The following MYO18B variants were observed in gnomAD, a reference collection of about 807,000 sequenced individuals.
MYO18B encodes myosin XVIIIB, also known as unconventional myosin-XVIIIb.
MYO18B carries 204 observed loss-of-function variants against 273.0 expected under a neutral mutation model. That is an observed-to-expected ratio of 0.75 (90% CI 0.67 to 0.84). The LOEUF (loss-of-function observed/expected upper bound fraction) is 0.84, where lower values mean the gene tolerates loss of function less well. Ranked by LOEUF, MYO18B falls within the 40% of genes least tolerant of loss-of-function variation. MYO18B has a pLI of 0.00. For missense variants in MYO18B, 3,212 were observed against 3,287.6 expected, an observed-to-expected ratio of 0.98 and a Z score of 0.56; for synonymous variants, 1,330 against 1,305.7, an observed-to-expected ratio of 1.02 and a Z score of -0.40.
the MYO18B span, among the ~76,000 whole-genome samples, chr22:26,049,517 A>G: frequency 6.6e-6 from 1 of 152,188 alleles, no homozygotes; most frequent in Non-Finnish European, 1.5e-5. Context: ...TGCATTTTGT[A>G]AACTTTATAG....
chr22:25,874,222 C>T (rs897276392), intron 22 of MYO18B, 64 bp from the exon 23 acceptor site: 29 of 1,587,816 alleles, frequency 1.8e-5, no homozygotes, highest in Non-Finnish European at 2.4e-5. Flanking sequence ...GATTTGCAAG[C>T]ACCCCCCCAT....
In MYO18B at chr22:25,975,437, G is replaced by C. The variant is rs2093079161; in HGVS notation, c.6157-16926G>C. 2.6e-5 allele frequency among the ~76,000 whole-genome samples: 4 copies of C among 152,250 alleles called. 1 individual carries two copies. The South Asian group carries it at 8.3e-4, about 32-fold the overall frequency. On this transcript the variant is annotated intron_variant, in intron 39 of 43. Coordinates refer to ENST00000335473, the MANE Select transcript of MYO18B (RefSeq NM_032608.7). The stretch of plus-strand genomic sequence containing the variant: ...GAAAGCGAGGCAGAGGGCAGCCTGG[G>C]GATTAACATTTACTGTATGTCTACT...
At chr22:26,056,412 C>G in the MYO18B span, among the ~76,000 whole-genome samples, 5 of 152,274 alleles carry the variant, frequency 3.3e-5, no homozygotes, top group Middle Eastern at 6.8e-3. Context: ...CAAGGTCAAA[C>G]GGGCCCTAAC....
chr22:26,005,968 G>A (rs776072875), intron 42 of MYO18B, among the ~76,000 whole-genome samples: 4 of 152,194 alleles, frequency 2.6e-5, no homozygotes, highest in Non-Finnish European at 5.9e-5. Flanking sequence ...AAGATTATCT[G>A]ATTACTGCTC....
chr22:26,001,443 G>C (rs1414872754), intron 40 of MYO18B, among the ~76,000 whole-genome samples: 1 of 152,188 alleles, frequency 6.6e-6, no homozygotes, highest in Admixed American at 6.5e-5. Flanking sequence ...GAAAGAAAGA[G>C]AGTGAGAGAG....
intron 34 of MYO18B, among the ~76,000 whole-genome samples, chr22:25,924,274 A>G (rs2092389609): frequency 6.6e-6 from 1 of 152,130 alleles, no homozygotes; most frequent in Non-Finnish European, 1.5e-5. Context: ...GGGAAAGCAG[A>G]CAGGAGGATG....
At chr22:25,851,921 G>A (rs1569110941) in intron 21 of MYO18B, among the ~76,000 whole-genome samples, 1 of 152,132 alleles carries the variant, frequency 6.6e-6, no homozygotes, top group Non-Finnish European at 1.5e-5. Context: ...TGTCACTTGG[G>A]ACCCGACTCA....
intron 21 of MYO18B, among the ~76,000 whole-genome samples, chr22:25,867,579 G>T (rs1053646608): frequency 6.6e-6 from 1 of 152,112 alleles, no homozygotes; most frequent in African/African-American, 2.4e-5. Context: ...GTATAATGCT[G>T]CTATGAACAC....
At chr22:26,062,725 A>G in the MYO18B span, among the ~76,000 whole-genome samples, 1 of 152,176 alleles carries the variant, frequency 6.6e-6, no homozygotes, top group African/African-American at 2.4e-5. Context: ...TTCTGGCTCA[A>G]AGTACATGCC....
rs150287212 is a variant in MYO18B at position 25,994,604 on chromosome 22, T to C, written c.6287+2111T>C. ...AAGTATTCCCGCTATTCCCTGCTAA[T>C]TGGCACAGCTGCCAAACTGCTGGTG... is the stretch of plus-strand genomic sequence containing the variant. On this transcript the variant is annotated intron_variant, in intron 40 of 43. Transcript: ENST00000335473. 1.4e-3 allele frequency among the ~76,000 whole-genome samples: 210 copies of C among 152,374 alleles called. 2 individuals carry two copies. Among genetic ancestry groups the C allele is most frequent in the Non-Finnish European group, 2.3e-3 (156 of 68,042 alleles).
the MYO18B span, among the ~76,000 whole-genome samples, chr22:26,039,851 C>G: frequency 0.1 from 15,220 of 151,986 alleles, 904 homozygotes; most frequent in Middle Eastern, 0.17. Flanking sequence ...TCAAGGCAGG[C>G]TCTCACTGTA....
At chr22:25,873,828 C>G (rs1046089537) in intron 22 of MYO18B, among the ~76,000 whole-genome samples, 6 of 152,182 alleles carry the variant, frequency 3.9e-5, no homozygotes, top group Non-Finnish European at 5.9e-5. Flanking sequence ...GGCCCTAAAC[C>G]CACAACCCAG....
intron 28 of MYO18B, chr22:25,897,199 C>T (rs1396843215): frequency 6.6e-6 from 1 of 152,206 alleles, no homozygotes; most frequent in Non-Finnish European, 1.5e-5. Flanking sequence ...ATTACCTACT[C>T]ACTTCATAGT....
At chr22:26,047,066 A>G in the MYO18B span, among the ~76,000 whole-genome samples, 1 of 151,972 alleles carries the variant, frequency 6.6e-6, no homozygotes, top group Non-Finnish European at 1.5e-5. Context: ...ACAGAACTCC[A>G]AAGGCCAAGT....
intron 42 of MYO18B, among the ~76,000 whole-genome samples, chr22:26,025,401 A>C (rs574933933): frequency 6.6e-6 from 1 of 152,094 alleles, no homozygotes; most frequent in African/African-American, 2.4e-5. Flanking sequence ...GCAGAATCTC[A>C]GTCACCCTTT....
intron 31 of MYO18B, 121 bp downstream of exon 31, chr22:25,903,952 A>G: frequency 1.9e-6 from 2 of 1,077,148 alleles, no homozygotes; most frequent in Non-Finnish European, 2.7e-6. Context: ...GCTCCCTATT[A>G]TCCCAGGGAA....
intron 1 of MYO18B, among the ~76,000 whole-genome samples, chr22:25,755,746 CCT>C (rs1370847072): frequency 6.6e-6 from 1 of 152,116 alleles, no homozygotes; most frequent in African/African-American, 2.4e-5. Context: ...TTCCCTCCTC[CCT>C]CTCTCTGTCT....
At chr22:25,954,688 C>T (rs1348404705) in intron 38 of MYO18B, among the ~76,000 whole-genome samples, 1 of 152,084 alleles carries the variant, frequency 6.6e-6, no homozygotes, top group Non-Finnish European at 1.5e-5. Flanking sequence ...GCTACACTGC[C>T]TCTCAGAATA....
chr22:25,969,298 T>A (rs1195514495), intron 39 of MYO18B, among the ~76,000 whole-genome samples: 1 of 152,200 alleles, frequency 6.6e-6, no homozygotes, highest in Non-Finnish European at 1.5e-5. Context: ...TTCTTTTAAG[T>A]AGCCAAATCT....
Sources: gnomAD v4.1 joint callset for allele counts (sites outside exome capture counted in the v4.1 genomes callset) on GRCh38, gnomAD v4.1.1 for gene constraint, MANE v1.5 for transcripts, NCBI Gene and HGNC (gene_info 2026-07-23, HGNC 2026-07-21) for gene names.